The following VPS54 variants were observed in gnomAD, a reference collection of about 807,000 sequenced individuals.
VPS54 encodes VPS54 subunit of GARP complex.
VPS54 carries 45 observed loss-of-function variants against 121.5 expected under a neutral mutation model. The observed-to-expected ratio is 0.37, with a 90% CI of 0.29 to 0.47. VPS54 has a LOEUF of 0.47. Among genes scored for constraint, VPS54 ranks in the 20% least tolerant of loss-of-function variants. The pLI, the probability that VPS54 is intolerant of heterozygous loss-of-function variation, is 0.99. For synonymous variants in VPS54, 371 were observed against 385.8 expected, an observed-to-expected ratio of 0.96 and a Z score of 0.45; for missense variants, 1,090 against 1,131.4, an observed-to-expected ratio of 0.96 and a Z score of 0.52.
intron 16 of VPS54, among the ~76,000 whole-genome samples, chr2:63,915,948 ACT>A (rs1673362758): frequency 6.6e-6 from 1 of 152,228 alleles, no homozygotes; most frequent in Non-Finnish European, 1.5e-5. Flanking sequence ...ATTCTATTAT[ACT>A]ACGGTAAGTG....
chr2:64,009,025 G>C (rs144189786), intron 1 of VPS54, among the ~76,000 whole-genome samples: 6 of 152,296 alleles, frequency 3.9e-5, no homozygotes, highest in Non-Finnish European at 8.8e-5. Flanking sequence ...AGTTAACTGT[G>C]AAGAGGGAAT....
intron 20 of VPS54, 142 bp from the exon 21 acceptor site, chr2:63,899,723 T>A (rs1212900643): frequency 1.6e-6 from 1 of 628,154 alleles, no homozygotes; most frequent in East Asian, 2.7e-5. Flanking sequence ...TCAACTGTGA[T>A]CTGCGCTACT....
At chr2:63,906,328 G>C (rs1266239684) in intron 20 of VPS54, among the ~76,000 whole-genome samples, 1 of 152,160 alleles carries the variant, frequency 6.6e-6, no homozygotes. Flanking sequence ...TAGCAAGGAT[G>C]CAGGACACAA....
intron 20 of VPS54, among the ~76,000 whole-genome samples, chr2:63,908,488 TATTTAG>T (rs1198234250): frequency 1.3e-5 from 2 of 152,134 alleles, no homozygotes; most frequent in Non-Finnish European, 2.9e-5. Flanking sequence ...ATACTATCTG[TATTTAG>T]ATACAGATAG....
intron 1 of VPS54, among the ~76,000 whole-genome samples, chr2:63,992,762 C>T (rs1314394619): frequency 5.9e-5 from 9 of 152,270 alleles, no homozygotes; most frequent in African/African-American, 1.4e-4. Context: ...CCTTCCAACT[C>T]GGCATGCCTG....
intron 1 of VPS54, among the ~76,000 whole-genome samples, chr2:64,009,893 G>A (rs1576021780): frequency 6.6e-6 from 1 of 150,836 alleles, no homozygotes; most frequent in Non-Finnish European, 1.5e-5. Context: ...TCAGGCTGGA[G>A]TGCAGTGGCG....
chr2:64,007,934 G>A (rs923759429), intron 1 of VPS54, among the ~76,000 whole-genome samples: 2 of 151,480 alleles, frequency 1.3e-5, no homozygotes, highest in Non-Finnish European at 2.9e-5. Flanking sequence ...GGTTAGGGAA[G>A]AAGCAATCCC....
At chr2:63,924,448 AT>A (rs1332934083) in intron 12 of VPS54, among the ~76,000 whole-genome samples, 6 of 152,220 alleles carry the variant, frequency 3.9e-5, no homozygotes, top group Non-Finnish European at 7.3e-5. Context: ...ATGTATATGG[AT>A]TTGTAAAAGA....
intron 12 of VPS54, among the ~76,000 whole-genome samples, chr2:63,931,734 G>C (rs1305449877): frequency 1.3e-5 from 2 of 152,168 alleles, no homozygotes; most frequent in Non-Finnish European, 2.9e-5. Context: ...CAGAATGGGA[G>C]AAAATTTTTG....
chr2:63,968,201 T>A (rs561618025), intron 5 of VPS54, among the ~76,000 whole-genome samples: 142 of 152,150 alleles, frequency 9.3e-4, no homozygotes, highest in African/African-American at 3.1e-3. Flanking sequence ...CAGAAAAAAA[T>A]GGATTATACA....
chr2:63,900,220 CAAAAAAAAAA>C (rs70965149), intron 20 of VPS54, among the ~76,000 whole-genome samples: 3 of 63,388 alleles, frequency 4.7e-5, no homozygotes, highest in Admixed American at 4.6e-4. Flanking sequence ...AACTCTGTCT[CAAAAAAAAAA>C]AAAAAAAAAA....
intron 12 of VPS54, among the ~76,000 whole-genome samples, chr2:63,927,708 C>T (rs1313818412): frequency 6.6e-6 from 1 of 152,126 alleles, no homozygotes; most frequent in African/African-American, 2.4e-5. Context: ...TAATAACAAA[C>T]TTCTCTGAGC....
At chr2:63,997,473 C>A (rs1677650924) in intron 1 of VPS54, among the ~76,000 whole-genome samples, 1 of 152,152 alleles carries the variant, frequency 6.6e-6, no homozygotes, top group Non-Finnish European at 1.5e-5. Context: ...CTAGATTTTG[C>A]AATTTATTGG....
Position 63,962,145 on chromosome 2 carries a change from GATA to G in VPS54, c.920_922del (p.Leu307del), listed in dbSNP as rs770015641. On this transcript the variant is annotated inframe_deletion, in exon 7 of 23. Transcript: ENST00000272322. ...CAATGCTCCAACAAATTCAGAAGTA[GATA>G]ATAACACCTGTACTGTAGGCTGAGT... is the stretch of plus-strand genomic sequence containing the variant. 5 of 1,610,684 alleles carry G rather than the reference GATA, an allele frequency of 3.1e-6. No individual in the cohort carries two copies. The highest frequency in any genetic ancestry group is 4.2e-6 in the Non-Finnish European group (5 of 1,177,066).
rs538505565 is a variant in VPS54, at chr2:63,939,406, A to G, written c.1398+3059T>C. Among the ~76,000 whole-genome samples, 29 of 152,214 alleles carry G rather than the reference A, an allele frequency of 1.9e-4. No individual in the cohort carries two copies. In the South Asian group the frequency reaches 5.6e-3, roughly 29 times the overall value. On this transcript the variant is annotated intron_variant, in intron 11 of 22. Transcript: ENST00000272322. ...AAAAAAACAAAAAAAGCGTAATACT[A>G]AAGTGACATATAGAATTGGATATCC...
chr2:64,005,177 C>T (rs1678076966), intron 1 of VPS54, among the ~76,000 whole-genome samples: 1 of 132,996 alleles, frequency 7.5e-6, no homozygotes, highest in African/African-American at 2.8e-5. Flanking sequence ...AATCTCGGCT[C>T]ACTGCAAGCT....
intron 11 of VPS54, among the ~76,000 whole-genome samples, chr2:63,937,405 C>T (rs922691997): frequency 1.3e-5 from 2 of 152,134 alleles, no homozygotes; most frequent in African/African-American, 2.4e-5. Context: ...CTCAACATCA[C>T]TCATCATTAG....
At chr2:63,893,839 T>C (rs894455728) in intron 22 of VPS54, among the ~76,000 whole-genome samples, 1 of 152,122 alleles carries the variant, frequency 6.6e-6, no homozygotes, top group Admixed American at 6.5e-5. Flanking sequence ...ACAGAGAAAA[T>C]AACAGGCTAA....
chr2:63,981,916 A>T, intron 2 of VPS54, 29 bp from the exon 3 acceptor site: 1 of 1,581,896 alleles, frequency 6.3e-7, no homozygotes. Context: ...AGAACTCTGT[A>T]AATGCTGTAA....
Sources: allele counts gnomAD v4.1 joint callset (sites outside exome capture counted in the v4.1 genomes callset), GRCh38; gene constraint gnomAD v4.1.1; transcripts MANE v1.5; gene names NCBI Gene and HGNC (gene_info 2026-07-23, HGNC 2026-07-21).